SGMS1: variants seen among roughly 807,000 people sequenced by gnomAD.
The protein encoded by SGMS1 is sphingomyelin synthase 1, also known as phosphatidylcholine:ceramide cholinephosphotransferase 1.
SGMS1 carries 13 observed loss-of-function variants against 46.2 expected under a neutral mutation model. The ratio of observed to expected loss-of-function variants is 0.28; its 90% CI spans 0.18 to 0.45. The LOEUF is 0.45. Ranked by LOEUF, SGMS1 falls within the 20% of genes least tolerant of loss-of-function variation. SGMS1 has a pLI of 1.00. For missense variants in SGMS1, 324 were observed against 519.9 expected, an observed-to-expected ratio of 0.62 and a Z score of 3.66; for synonymous variants, 203 against 187.8, an observed-to-expected ratio of 1.08 and a Z score of -0.66.
chr10:50,348,816 C>T (rs185813760), intron 6 of SGMS1, among the ~76,000 whole-genome samples: 1 of 152,322 alleles, frequency 6.6e-6, no homozygotes, highest in African/African-American at 2.4e-5. Context: ...GAGAAACCTA[C>T]TTCAAATTTC....
At chr10:50,453,852 AGGGAGG>A (rs1837152603) in intron 5 of SGMS1, among the ~76,000 whole-genome samples, 1 of 24,484 alleles carries the variant, frequency 4.1e-5, no homozygotes, top group Non-Finnish European at 7.3e-5. Flanking sequence ...GGAGGGAGGG[AGGGAGG>A]GAGGGAGGAA....
chr10:50,311,450 T>A, intron 8 of SGMS1, 35 bp from the exon 9 acceptor site: 1 of 1,602,238 alleles, frequency 6.2e-7, no homozygotes, highest in Non-Finnish European at 8.5e-7. Context: ...AAAAGAAGAT[T>A]CATTACGAGC....
intron 6 of SGMS1, among the ~76,000 whole-genome samples, chr10:50,364,225 A>G (rs570423052): frequency 6.6e-6 from 1 of 152,290 alleles, no homozygotes; most frequent in East Asian, 1.9e-4. Flanking sequence ...GAAAAAAACA[A>G]ACAAAGATTT....
rs1313004440 is a variant in SGMS1 at position 50,305,893 on chromosome 10, TATAGA to T, written c.*1244_*1248del. On this transcript the variant is annotated 3_prime_UTR_variant, in exon 11 of 11. Coordinates refer to ENST00000361781, the MANE Select transcript of SGMS1 (RefSeq NM_147156.4). ...CTATTTTGTTCTCCACATTGGCAAG[TATAGA>T]ATAGAATACTTCCCCAAACATATGT... 2 of 152,704 alleles carry T rather than the reference TATAGA, an allele frequency of 1.3e-5. No homozygotes were observed. Among genetic ancestry groups the T allele is most frequent in the Non-Finnish European group, 2.9e-5 (2 of 68,006 alleles). The allele number at this position is 152,704 out of a possible 1,614,324, so 9.5% of individuals were successfully genotyped here.
chr10:50,369,530 G>A (rs1025049946), intron 6 of SGMS1, among the ~76,000 whole-genome samples: 7 of 151,012 alleles, frequency 4.6e-5, no homozygotes, highest in African/African-American at 7.3e-5. Context: ...ATTACAAATA[G>A]GTCAATCACA....
At chr10:50,461,827 T>C (rs187229745) in intron 4 of SGMS1, among the ~76,000 whole-genome samples, 2 of 152,320 alleles carry the variant, frequency 1.3e-5, no homozygotes, top group African/African-American at 4.8e-5. Context: ...AGGACTTACT[T>C]AGGACCAGGC....
In SGMS1 at chr10:50,540,313, T is replaced by C. The variant is rs79638091; in HGVS notation, c.-588-20392A>G. The stretch of plus-strand genomic sequence containing the variant: ...GATGTGGTGATAAATTAGTAATAAA[T>C]AGACTGGCTCGTCTGGCAGGTAAAA... On this transcript the variant is annotated intron_variant, in intron 2 of 10. Coordinates refer to ENST00000361781, the MANE Select transcript of SGMS1 (RefSeq NM_147156.4). 7.7e-4 allele frequency among the ~76,000 whole-genome samples: 117 copies of C among 152,266 alleles called. 2 individuals are homozygous for C. The East Asian group carries it at 0.022, about 28-fold the overall frequency.
intron 2 of SGMS1, among the ~76,000 whole-genome samples, chr10:50,550,864 T>C (rs1388155546): frequency 6.6e-6 from 1 of 152,178 alleles, no homozygotes; most frequent in East Asian, 1.9e-4. Context: ...TGGAACAACT[T>C]GACCAACCAA....
chr10:50,517,361 TA>T (rs1451923527), intron 3 of SGMS1, among the ~76,000 whole-genome samples: 5 of 151,920 alleles, frequency 3.3e-5, no homozygotes, highest in Non-Finnish European at 7.4e-5. Flanking sequence ...AAGACAGAAA[TA>T]AAGATTTTAG....
chr10:50,616,614 C>T (rs1404216545), intron 1 of SGMS1, among the ~76,000 whole-genome samples: 1 of 152,074 alleles, frequency 6.6e-6, no homozygotes, highest in Non-Finnish European at 1.5e-5. Flanking sequence ...GGAACCAGGG[C>T]CTACCAGGGG....
intron 5 of SGMS1, among the ~76,000 whole-genome samples, chr10:50,459,374 A>G (rs1215104678): frequency 6.6e-6 from 1 of 152,238 alleles, no homozygotes; most frequent in Non-Finnish European, 1.5e-5. Context: ...CAAAAGCTGA[A>G]AAAAGTAGAG....
intron 3 of SGMS1, among the ~76,000 whole-genome samples, chr10:50,491,266 A>G (rs1837565574): frequency 6.6e-6 from 1 of 152,200 alleles, no homozygotes; most frequent in Admixed American, 6.5e-5. Context: ...AGGAAGGAGG[A>G]TCCTCGAGCC....
In SGMS1 at chr10:50,374,959, G is replaced by A. The variant is rs143859161; in HGVS notation, c.-231-30614C>T. On this transcript the variant is annotated intron_variant, in intron 6 of 10. Transcript: ENST00000361781. Reference sequence around the variant, plus strand: ...ATTTTACTTGTTTAATGCCTTCGCAGCCCGAGGCAGGTGAAAAGTAAGATA... The same window carrying A: ...ATTTTACTTGTTTAATGCCTTCGCAACCCGAGGCAGGTGAAAAGTAAGATA... Among the ~76,000 whole-genome samples the A allele has an allele frequency of 3.6e-3, 555 of 152,192 alleles. 1 individual carries two copies. The highest frequency in any genetic ancestry group is 4.8e-3 in the Non-Finnish European group (327 of 68,018).
chr10:50,456,893 A>G (rs1482145573), intron 5 of SGMS1, among the ~76,000 whole-genome samples: 1 of 152,218 alleles, frequency 6.6e-6, no homozygotes, highest in South Asian at 2.1e-4. Flanking sequence ...GAATTTTCCC[A>G]TGCTACAGTC....
intron 3 of SGMS1, among the ~76,000 whole-genome samples, chr10:50,517,734 T>C (rs943836545): frequency 6.6e-6 from 1 of 152,092 alleles, no homozygotes; most frequent in African/African-American, 2.4e-5. Context: ...AGACACATTG[T>C]AATGAAACTG....
At chr10:50,586,109 T>G (rs1026718250) in intron 2 of SGMS1, among the ~76,000 whole-genome samples, 58 of 152,370 alleles carry the variant, frequency 3.8e-4, no homozygotes, top group African/African-American at 1.3e-3. Context: ...CATGACTTTT[T>G]GAATAAAACT....
At chr10:50,481,603 CAG>C (rs1837477850) in intron 3 of SGMS1, among the ~76,000 whole-genome samples, 3 of 152,318 alleles carry the variant, frequency 2.0e-5, no homozygotes, top group East Asian at 3.9e-4. Flanking sequence ...CTGAAAAAGT[CAG>C]AGTGTCTCTT....
chr10:50,319,914 G>T (rs1010781841), intron 8 of SGMS1, among the ~76,000 whole-genome samples: 1 of 152,244 alleles, frequency 6.6e-6, no homozygotes, highest in South Asian at 2.1e-4. Context: ...TCACACAAGG[G>T]CCTTAGCATC....
At chr10:50,555,721 A>ACTCC (rs1312496193) in intron 2 of SGMS1, among the ~76,000 whole-genome samples, 2 of 152,142 alleles carry the variant, frequency 1.3e-5, no homozygotes, top group South Asian at 2.1e-4. Flanking sequence ...AAAGATATAA[A>ACTCC]CTCCCTGGAG....
Sources: allele counts gnomAD v4.1 joint callset (sites outside exome capture counted in the v4.1 genomes callset), GRCh38; gene constraint gnomAD v4.1.1; transcripts MANE v1.5; gene names NCBI Gene and HGNC (gene_info 2026-07-23, HGNC 2026-07-21).